Variants in STT3B observed in about 807,000 individuals in gnomAD.
STT3B encodes dolichyl-diphosphooligosaccharide--protein glycosyltransferase subunit STT3B.
In STT3B, 29 loss-of-function variants were observed where a neutral mutation model predicts 96.8. That is an observed-to-expected ratio of 0.30 (90% CI 0.22 to 0.41). The LOEUF (loss-of-function observed/expected upper bound fraction) is 0.41. Ranked by LOEUF, STT3B falls within the 10% of genes least tolerant of loss-of-function variation. The pLI is 1.00. For missense variants in STT3B, 640 were observed against 1,022.3 expected, an observed-to-expected ratio of 0.63 and a Z score of 5.10; for synonymous variants, 367 against 360.0, an observed-to-expected ratio of 1.02 and a Z score of -0.22.
At chr3:31,615,063 GGTA>G in intron 5 of STT3B, 39 bp from the exon 6 acceptor site, 1 of 1,216,208 alleles carries the variant, frequency 8.2e-7, no homozygotes, top group African/African-American at 1.5e-5. Flanking sequence ...GGTACTTAAT[GGTA>G]GTAGTAAATT....
At chr3:31,539,817 ATTTAT>A (rs939536961) in intron 1 of STT3B, among the ~76,000 whole-genome samples, 1 of 152,086 alleles carries the variant, frequency 6.6e-6, no homozygotes, top group African/African-American at 2.4e-5. Flanking sequence ...TCTTATTTAG[ATTTAT>A]TTTGTCTATA....
chr3:31,622,632 T>TG (rs370329466), intron 10 of STT3B, among the ~76,000 whole-genome samples: 39 of 152,354 alleles, frequency 2.6e-4, no homozygotes, highest in African/African-American at 9.4e-4. Flanking sequence ...ACATAACATT[T>TG]GGCACTGTAA....
chr3:31,607,296 AT>A (rs1355292549), intron 5 of STT3B, among the ~76,000 whole-genome samples: 1 of 152,120 alleles, frequency 6.6e-6, no homozygotes, highest in African/African-American at 2.4e-5. Context: ...AGGACATGAG[AT>A]TTGGGAGGTG....
At chr3:31,587,697 A>C (rs945156341) in intron 3 of STT3B, among the ~76,000 whole-genome samples, 3 of 152,138 alleles carry the variant, frequency 2.0e-5, no homozygotes, top group African/African-American at 7.2e-5. Context: ...ATTTCTGTCT[A>C]TGATGAATAA....
chr3:31,625,491 T>G (rs1203359471), intron 12 of STT3B, among the ~76,000 whole-genome samples: 2 of 152,282 alleles, frequency 1.3e-5, no homozygotes, highest in Non-Finnish European at 2.9e-5. Flanking sequence ...TAGATTAATG[T>G]AATCCCCTCT....
At position 31,637,414 on chromosome 3, in the gene STT3B, T is replaced by G. The variant is rs962395791; in HGVS notation, c.*1350T>G. 1 of 152,190 alleles carries G rather than the reference T, an allele frequency of 6.6e-6. No homozygotes were observed. The highest frequency in any genetic ancestry group is 2.4e-5 in the African/African-American group (1 of 41,454). 9.4% of individuals were successfully genotyped at this position (152,190 alleles called of 1,614,324 possible). On this transcript the variant is annotated 3_prime_UTR_variant, in exon 16 of 16. Transcript: ENST00000295770. ...CTTTTCCAAGGTGTAGAATATTCTTTGATTTATAGAATTCATTTTTGACCC... is the reference window on the plus strand; with the variant it reads ...CTTTTCCAAGGTGTAGAATATTCTTGGATTTATAGAATTCATTTTTGACCC...
chr3:31,535,001 C>T (rs571872877), intron 1 of STT3B, among the ~76,000 whole-genome samples: 1 of 152,084 alleles, frequency 6.6e-6, no homozygotes, highest in Non-Finnish European at 1.5e-5. Flanking sequence ...CTAGTATTTA[C>T]TGGACAATAT....
At chr3:31,593,531 ATCTG>A (rs199500897) in intron 3 of STT3B, among the ~76,000 whole-genome samples, 2 of 151,940 alleles carry the variant, frequency 1.3e-5, no homozygotes, top group African/African-American at 2.4e-5. Context: ...AAATGTTTTT[ATCTG>A]TCTGTCTTTG....
intron 14 of STT3B, among the ~76,000 whole-genome samples, chr3:31,631,298 T>A (rs1415139932): frequency 3.9e-5 from 6 of 152,148 alleles, no homozygotes; most frequent in Non-Finnish European, 5.9e-5. Flanking sequence ...TAGATTTAGG[T>A]TTTTGTTTGT....
At chr3:31,593,566 T>G (rs1285071389) in intron 3 of STT3B, among the ~76,000 whole-genome samples, 2 of 152,126 alleles carry the variant, frequency 1.3e-5, no homozygotes, top group African/African-American at 2.4e-5. Context: ...TTTTTTGAAC[T>G]TTGTTTTTCT....
intron 5 of STT3B, among the ~76,000 whole-genome samples, chr3:31,605,988 A>G (rs1559383592): frequency 6.6e-6 from 1 of 152,190 alleles, no homozygotes; most frequent in African/African-American, 2.4e-5. Flanking sequence ...AATGGAGTAA[A>G]GGTGACTCTT....
At chr3:31,553,044 G>A (rs566265344) in intron 1 of STT3B, among the ~76,000 whole-genome samples, 54 of 149,982 alleles carry the variant, frequency 3.6e-4, no homozygotes, top group Non-Finnish European at 6.2e-4. Flanking sequence ...GGAGCTTGCA[G>A]TGAGTCGAGA....
chr3:31,579,477 TAAAAAAAAA>T (rs1173591549), intron 2 of STT3B, among the ~76,000 whole-genome samples: 18 of 67,448 alleles, frequency 2.7e-4, no homozygotes, highest in South Asian at 7.4e-4. Context: ...CCTGTTTTGA[TAAAAAAAAA>T]AAAAAAAAAA....
chr3:31,576,385 C>A lies in STT3B; in HGVS notation c.315-11C>A. 1 of 1,501,320 alleles carries A rather than the reference C, an allele frequency of 6.7e-7. No individual in the cohort carries two copies. The highest frequency in any genetic ancestry group is 9.1e-7 in the Non-Finnish European group (1 of 1,099,840). 93.0% of individuals were successfully genotyped at this position (1,501,320 alleles called of 1,614,324 possible). A position where few individuals can be genotyped will look rare whatever the true frequency, so the allele number is the denominator to read the frequency against. Reference sequence around the variant, plus strand: ...AGTTTTATAACATTTCTTTTTATCTCTTTTCTCTAGGTTTAACTATAGATC... The same window carrying A: ...AGTTTTATAACATTTCTTTTTATCTATTTTCTCTAGGTTTAACTATAGATC... On this transcript the variant is annotated splice_polypyrimidine_tract_variant and intron_variant, in intron 1 of 15. Transcript: ENST00000295770.
intron 1 of STT3B, among the ~76,000 whole-genome samples, chr3:31,548,282 A>G (rs943486893): frequency 3.2e-4 from 49 of 152,266 alleles, no homozygotes; most frequent in South Asian, 1.7e-3. Context: ...TGGCAAAAAG[A>G]TTTCACCAGG....
chr3:31,620,281 A>AAG (rs1699397472), intron 9 of STT3B: 1 of 153,292 alleles, frequency 6.5e-6, no homozygotes, highest in Admixed American at 6.4e-5. Flanking sequence ...TCTCAAAAAA[A>AAG]AAAAAAAAAA....
At chr3:31,596,996 C>T (rs1219882080) in intron 4 of STT3B, 133 bp downstream of exon 4, 1 of 671,872 alleles carries the variant, frequency 1.5e-6, no homozygotes, top group Non-Finnish European at 2.5e-6. Flanking sequence ...CTCTTTCCTT[C>T]TCCTACTCAC....
intron 14 of STT3B, 35 bp from the exon 15 acceptor site, chr3:31,632,900 A>T (rs777575643): frequency 6.4e-7 from 1 of 1,573,960 alleles, no homozygotes; most frequent in Admixed American, 1.7e-5. Context: ...GTTTTCCAAT[A>T]TGGTTAACAC....
Position 31,535,551 on chromosome 3 carries a change from C to T in STT3B, c.314+2239C>T, listed in dbSNP as rs563344336. ...CCAGCCTGGCCAACATGGTGAAACC[C>T]CCTCTCTACTAAAAATACAAAAATT... On this transcript the variant is annotated intron_variant, in intron 1 of 15. Coordinates refer to ENST00000295770, the MANE Select transcript of STT3B (RefSeq NM_178862.3). Among the ~76,000 whole-genome samples the T allele has an allele frequency of 2.3e-3, 355 of 151,976 alleles. 2 individuals carry two copies. The highest frequency in any genetic ancestry group is 8.1e-3 in the African/African-American group (337 of 41,476).
Sources: gnomAD v4.1 joint callset for allele counts (sites outside exome capture counted in the v4.1 genomes callset) on GRCh38, gnomAD v4.1.1 for gene constraint, MANE v1.5 for transcripts, NCBI Gene and HGNC (gene_info 2026-07-23, HGNC 2026-07-21) for gene names.